Variants in BRINP3 observed in about 807,000 individuals in gnomAD.
BRINP3 encodes BMP/retinoic acid-inducible neural-specific protein 3.
Under a neutral mutation model 71.0 loss-of-function variants are expected in BRINP3, and 19 were observed. The observed-to-expected ratio is 0.27, with a 90% CI of 0.19 to 0.39. The LOEUF is 0.39. Among genes scored for constraint, BRINP3 ranks in the 10% least tolerant of loss-of-function variants. BRINP3 has a pLI of 1.00. For missense variants in BRINP3, 959 were observed against 940.8 expected (o/e 1.02, Z -0.25); for synonymous variants, 380 against 337.7 (o/e 1.13, Z -1.37).
At chr1:190,362,329 T>C (rs1321963804) in intron 2 of BRINP3, 1 of 152,174 alleles carries the variant, frequency 6.6e-6, no homozygotes, top group Non-Finnish European at 1.5e-5. Flanking sequence ...AGACATAGCA[T>C]ACTCTAACAG....
chr1:190,308,302 G>T (rs1410882299), intron 2 of BRINP3, among the ~76,000 whole-genome samples: 1 of 151,876 alleles, frequency 6.6e-6, no homozygotes, highest in Admixed American at 6.6e-5. Context: ...CTAGATAAAA[G>T]AAAATCTCTC....
At chr1:190,218,343 T>A (rs919849939) in intron 6 of BRINP3, among the ~76,000 whole-genome samples, 11 of 152,166 alleles carry the variant, frequency 7.2e-5, no homozygotes, top group Non-Finnish European at 1.2e-4. Flanking sequence ...ATTTCAGAGA[T>A]TTATTCATAT....
intron 4 of BRINP3, among the ~76,000 whole-genome samples, chr1:190,235,182 T>C (rs1428436613): frequency 6.6e-6 from 1 of 152,110 alleles, no homozygotes. Flanking sequence ...TCTACCTGTG[T>C]TATTTTACCA....
At chr1:190,369,178 G>T (rs1669697901) in intron 2 of BRINP3, among the ~76,000 whole-genome samples, 1 of 152,034 alleles carries the variant, frequency 6.6e-6, no homozygotes, top group Non-Finnish European at 1.5e-5. Flanking sequence ...TGAGATAAGT[G>T]TTTAATATAC....
At position 190,373,846 on chromosome 1, in the gene BRINP3, T is replaced by C. The variant is rs184270410; in HGVS notation, c.236+80809A>G. 9.9e-5 allele frequency among the ~76,000 whole-genome samples: 15 copies of C among 151,230 alleles called. No homozygotes were observed. In the East Asian group the frequency reaches 2.7e-3, roughly 27 times the overall value. On this transcript the variant is annotated intron_variant, in intron 2 of 7. Transcript: ENST00000367462. ...TTAAAAGTAATGGCAAAAACTGTGA[T>C]TACTTTTGCACCAACCTAACAGCCT...
intron 3 of BRINP3, among the ~76,000 whole-genome samples, chr1:190,280,018 C>T (rs1662916151): frequency 6.6e-6 from 1 of 151,742 alleles, no homozygotes; most frequent in Admixed American, 6.6e-5. Flanking sequence ...ACCAATATAG[C>T]TAAGGCCCTT....
chr1:190,273,310 T>C (rs968911776), intron 3 of BRINP3, among the ~76,000 whole-genome samples: 2 of 151,600 alleles, frequency 1.3e-5, no homozygotes, highest in Admixed American at 1.3e-4. Context: ...AAACCAGCTG[T>C]AGCTCATAAG....
At chr1:190,351,972 T>C (rs569619285) in intron 2 of BRINP3, among the ~76,000 whole-genome samples, 1 of 152,174 alleles carries the variant, frequency 6.6e-6, no homozygotes, top group Admixed American at 6.6e-5. Flanking sequence ...TCAAACATTT[T>C]AAATTTTATA....
chr1:190,118,737 C>T (rs187869507), intron 7 of BRINP3, among the ~76,000 whole-genome samples: 1 of 152,182 alleles, frequency 6.6e-6, no homozygotes, highest in African/African-American at 2.4e-5. Context: ...AATGGTATTT[C>T]CTTCAGGCAA....
intron 2 of BRINP3, among the ~76,000 whole-genome samples, chr1:190,448,334 G>C (rs187685748): frequency 1.9e-4 from 29 of 151,644 alleles, no homozygotes. Context: ...GTCAAATTGA[G>C]TATACATTGC....
chr1:190,263,871 A>G (rs1280424258), intron 4 of BRINP3, among the ~76,000 whole-genome samples: 1 of 152,122 alleles, frequency 6.6e-6, no homozygotes, highest in East Asian at 1.9e-4. Flanking sequence ...AACAGGCCTG[A>G]GCCACCGTGC....
intron 7 of BRINP3, among the ~76,000 whole-genome samples, chr1:190,110,271 C>T (rs1458528829): frequency 6.6e-6 from 1 of 152,104 alleles, no homozygotes; most frequent in Non-Finnish European, 1.5e-5. Context: ...AGAACTCATG[C>T]TCTCAACCAC....
intron 6 of BRINP3, among the ~76,000 whole-genome samples, chr1:190,173,493 C>T (rs1571907490): frequency 1.3e-5 from 2 of 152,110 alleles, no homozygotes; most frequent in African/African-American, 4.8e-5. Flanking sequence ...CTCCTCACGC[C>T]CTTGAAGCAG....
At chr1:190,183,775 T>C (rs1338828214) in intron 6 of BRINP3, among the ~76,000 whole-genome samples, 1 of 152,148 alleles carries the variant, frequency 6.6e-6, no homozygotes, top group Non-Finnish European at 1.5e-5. Context: ...GGCTCCCCAC[T>C]TGGCTTTCTA....
At chr1:190,296,877 A>G (rs1269790469) in intron 2 of BRINP3, among the ~76,000 whole-genome samples, 1 of 152,120 alleles carries the variant, frequency 6.6e-6, no homozygotes, top group Non-Finnish European at 1.5e-5. Context: ...ACTGGAAATC[A>G]TAAGGCACTG....
intron 6 of BRINP3, among the ~76,000 whole-genome samples, chr1:190,172,250 T>C (rs1214541442): frequency 6.6e-6 from 1 of 151,086 alleles, no homozygotes; most frequent in African/African-American, 2.4e-5. Context: ...ACTCCTTATA[T>C]ATGAGTTAAA....
At chr1:190,274,299 A>C (rs367839065) in intron 3 of BRINP3, among the ~76,000 whole-genome samples, 1 of 150,916 alleles carries the variant, frequency 6.6e-6, no homozygotes, top group African/African-American at 2.4e-5. Context: ...GATGTATTTT[A>C]TTTTATTTCG....
rs565491464 is a variant in BRINP3 at position 190,143,569 on chromosome 1, TG to T, written c.1184+17098del. On this transcript the variant is annotated intron_variant, in intron 7 of 7. Coordinates refer to ENST00000367462, the MANE Select transcript of BRINP3 (RefSeq NM_199051.3). The stretch of plus-strand genomic sequence containing the variant: ...CTTCAACAAGCAACACCCCCAAAAC[TG>T]AGTTATTCCTCTATCTAGGCAATGT... Among the ~76,000 whole-genome samples the T allele has an allele frequency of 1.2e-4, 18 of 152,244 alleles. No individual in the cohort carries two copies. The South Asian group carries it at 3.7e-3, about 32-fold the overall frequency.
rs576434284 is a variant in BRINP3, at chr1:190,243,962, T to C, written c.619-9485A>G. Among the ~76,000 whole-genome samples the C allele has an allele frequency of 2.0e-5, 3 of 152,236 alleles. No homozygotes were observed. The East Asian group carries it at 5.8e-4, about 29-fold the overall frequency. On this transcript the variant is annotated intron_variant, in intron 4 of 7. Transcript: ENST00000367462. ...GCATTTCAATCTCATTGCCTTTAAT[T>C]GTCACTGTCTCTCATCACCCCCAGA...
Sources: gnomAD v4.1 joint callset for allele counts (sites outside exome capture counted in the v4.1 genomes callset) on GRCh38, gnomAD v4.1.1 for gene constraint, MANE v1.5 for transcripts, NCBI Gene and HGNC (gene_info 2026-07-23, HGNC 2026-07-21) for gene names.